Variants in NAALADL2 observed in about 807,000 individuals in gnomAD.
NAALADL2 encodes the protein N-acetylated alpha-linked acidic dipeptidase like 2.
NAALADL2 carries 76 observed loss-of-function variants against 87.2 expected under a neutral mutation model. The observed-to-expected ratio is 0.87, with a 90% CI of 0.72 to 1.05. The LOEUF (loss-of-function observed/expected upper bound fraction) is 1.05, where lower values mean the gene tolerates loss of function less well. NAALADL2 is among the 50% of genes least tolerant of loss of function. The pLI is 0.00. For synonymous variants in NAALADL2, 354 were observed against 331.0 expected, an observed-to-expected ratio of 1.07 and a Z score of -0.75; for missense variants, 1,089 against 945.8, an observed-to-expected ratio of 1.15 and a Z score of -1.99.
At chr3:175,710,657 A>G (rs1378057813) in intron 11 of NAALADL2, among the ~76,000 whole-genome samples, 1 of 151,622 alleles carries the variant, frequency 6.6e-6, no homozygotes, top group East Asian at 1.9e-4. Flanking sequence ...AGGGTATGGA[A>G]GAATATATAT....
intron 2 of NAALADL2, among the ~76,000 whole-genome samples, chr3:175,221,229 T>C (rs1194146355): frequency 1.3e-5 from 2 of 151,788 alleles, no homozygotes; most frequent in Non-Finnish European, 2.9e-5. Flanking sequence ...TTTTTTAGTA[T>C]TCTATTTCAC....
chr3:174,456,647 G>A (rs562928419), intron 1 of NAALADL2, among the ~76,000 whole-genome samples: 1 of 152,150 alleles, frequency 6.6e-6, no homozygotes, highest in African/African-American at 2.4e-5. Context: ...AAAGGTGCTG[G>A]GATAACTGGG....
At chr3:175,633,738 A>G (rs1728129612) in intron 11 of NAALADL2, among the ~76,000 whole-genome samples, 2 of 151,878 alleles carry the variant, frequency 1.3e-5, no homozygotes, top group African/African-American at 2.4e-5. Context: ...TCATGTTCAG[A>G]GAAAAAAATT....
At chr3:174,704,976 C>T (rs1729918361) in intron 2 of NAALADL2, among the ~76,000 whole-genome samples, 1 of 152,102 alleles carries the variant, frequency 6.6e-6, no homozygotes, top group South Asian at 2.1e-4. Context: ...TAATATTAAA[C>T]AATAAAATAA....
intron 3 of NAALADL2, among the ~76,000 whole-genome samples, chr3:174,761,652 C>T (rs1245061871): frequency 6.6e-6 from 1 of 151,982 alleles, no homozygotes; most frequent in African/African-American, 2.4e-5. Context: ...TTTTAGGGTA[C>T]ATGTACACAA....
chr3:174,633,214 G>A (rs1468913427), intron 2 of NAALADL2, among the ~76,000 whole-genome samples: 1 of 151,868 alleles, frequency 6.6e-6, no homozygotes, highest in Non-Finnish European at 1.5e-5. Flanking sequence ...TGTTCAGGAA[G>A]ATAATTTGCT....
intron 5 of NAALADL2, among the ~76,000 whole-genome samples, chr3:175,425,042 A>C (rs1044260569): frequency 6.6e-6 from 1 of 152,168 alleles, no homozygotes; most frequent in Admixed American, 6.6e-5. Context: ...AATATTTAGA[A>C]AGTAAAATCT....
chr3:174,459,913 A>C (rs944825879), intron 1 of NAALADL2: 1 of 152,194 alleles, frequency 6.6e-6, no homozygotes, highest in African/African-American at 2.4e-5. Context: ...TTAGCTGGAA[A>C]CATTCCTGAG....
chr3:175,693,018 T>C (rs1377104278), intron 11 of NAALADL2, among the ~76,000 whole-genome samples: 2 of 152,122 alleles, frequency 1.3e-5, no homozygotes, highest in South Asian at 2.1e-4. Context: ...TTTATTACAG[T>C]GAAAGGATAC....
At chr3:174,506,304 C>T (rs967242183) in intron 1 of NAALADL2, among the ~76,000 whole-genome samples, 2 of 151,760 alleles carry the variant, frequency 1.3e-5, no homozygotes, top group Non-Finnish European at 2.9e-5. Context: ...TCTCAGCCTC[C>T]CGAGTAGCTG....
At chr3:174,764,127 G>C (rs957971766) in intron 3 of NAALADL2, among the ~76,000 whole-genome samples, 1 of 151,982 alleles carries the variant, frequency 6.6e-6, no homozygotes, top group South Asian at 2.1e-4. Flanking sequence ...CTTTCTTTCT[G>C]CTATCAACTA....
chr3:174,542,255 T>G (rs1722313522), intron 1 of NAALADL2, among the ~76,000 whole-genome samples: 1 of 152,164 alleles, frequency 6.6e-6, no homozygotes, highest in Non-Finnish European at 1.5e-5. Context: ...GTCCTACTAA[T>G]CTACCTCATT....
intron 11 of NAALADL2, among the ~76,000 whole-genome samples, chr3:175,684,067 C>T (rs1735954448): frequency 6.6e-6 from 1 of 151,796 alleles, no homozygotes; most frequent in Admixed American, 6.6e-5. Context: ...AGCTTTTAAA[C>T]TGTTCTTTAA....
intron 11 of NAALADL2, among the ~76,000 whole-genome samples, chr3:175,733,899 C>T (rs1177903701): frequency 2.6e-5 from 4 of 152,234 alleles, no homozygotes; most frequent in African/African-American, 9.6e-5. Flanking sequence ...TCTCCTTTGA[C>T]TCCATGTCTC....
chr3:175,171,195 C>T (rs1734751779), intron 2 of NAALADL2, among the ~76,000 whole-genome samples: 2 of 151,982 alleles, frequency 1.3e-5, no homozygotes, highest in Admixed American at 1.3e-4. Context: ...TTCTGCATTT[C>T]TATTATACTA....
chr3:175,512,900 A>G (rs1731349649), intron 9 of NAALADL2, among the ~76,000 whole-genome samples: 1 of 152,154 alleles, frequency 6.6e-6, no homozygotes, highest in Non-Finnish European at 1.5e-5. Flanking sequence ...TCAAATTCAG[A>G]GTTGAGCTGC....
At chr3:174,705,255 A>G (rs1025475087) in intron 2 of NAALADL2, among the ~76,000 whole-genome samples, 2 of 152,164 alleles carry the variant, frequency 1.3e-5, no homozygotes, top group African/African-American at 4.8e-5. Context: ...AGTACTTAGA[A>G]AAAATCCACG....
intron 1 of NAALADL2, among the ~76,000 whole-genome samples, chr3:174,950,008 A>T (rs1464693845): frequency 6.6e-6 from 1 of 152,192 alleles, no homozygotes; most frequent in Non-Finnish European, 1.5e-5. Flanking sequence ...CAGCCAGCAG[A>T]TCAAATCCAG....
chr3:174,724,166 C>T (rs951881667), intron 2 of NAALADL2, among the ~76,000 whole-genome samples: 1 of 152,096 alleles, frequency 6.6e-6, no homozygotes, highest in African/African-American at 2.4e-5. Context: ...ATATGAAAGT[C>T]TTGCTCAAAT....
Sources: allele counts gnomAD v4.1 joint callset (sites outside exome capture counted in the v4.1 genomes callset), GRCh38; gene constraint gnomAD v4.1.1; transcripts MANE v1.5; gene names NCBI Gene and HGNC (gene_info 2026-07-23, HGNC 2026-07-21).